The following ADARB1 variants were observed in gnomAD, a reference collection of about 807,000 sequenced individuals.
ADARB1 encodes the protein adenosine deaminase RNA specific B1.
In ADARB1, 10 loss-of-function variants were observed where a neutral mutation model predicts 52.4. The observed-to-expected ratio is 0.19, with a 90% confidence interval of 0.12 to 0.32. ADARB1 has a LOEUF of 0.32. Ranked by LOEUF, ADARB1 falls within the 10% of genes least tolerant of loss-of-function variation. ADARB1 has a pLI of 1.00. For missense variants in ADARB1, 643 were observed against 922.3 expected (o/e 0.70, Z 3.92); for synonymous variants, 349 against 371.1 (o/e 0.94, Z 0.68).
rs562337384 is a variant in ADARB1 at position 45,175,536 on chromosome 21, T to G, written c.29-194T>G. On this transcript the variant is annotated intron_variant, in intron 3 of 10. Transcript: ENST00000348831. ...ATGGTATTAGTCACTAAGCAAAGTG[T>G]CAGATTACTTGTTTAGTTGAGGCTG... is the stretch of plus-strand genomic sequence containing the variant. Among the ~76,000 whole-genome samples the G allele has an allele frequency of 4.6e-5, 7 of 152,356 alleles. No individual in the cohort carries two copies. The South Asian group carries it at 1.5e-3, about 32-fold the overall frequency.
chr21:45,131,507 C>T (rs420499), intron 2 of ADARB1, among the ~76,000 whole-genome samples: 145,226 of 152,340 alleles, frequency 0.95, 69,253 homozygotes, highest in East Asian at 1. Flanking sequence ...AGGACAGTTC[C>T]TTGTTTCCGG....
intron 2 of ADARB1, among the ~76,000 whole-genome samples, chr21:45,160,838 C>A (rs2090925636): frequency 6.6e-6 from 1 of 152,144 alleles, no homozygotes; most frequent in Admixed American, 6.5e-5. Flanking sequence ...CTGTTAGGGT[C>A]ATTGTGTTGT....
intron 1 of ADARB1, among the ~76,000 whole-genome samples, chr21:45,082,063 A>T (rs1350036484): frequency 6.6e-6 from 1 of 152,200 alleles, no homozygotes; most frequent in Non-Finnish European, 1.5e-5. Context: ...TCTTGGAGAC[A>T]AGGGAAGTGG....
chr21:45,130,934 G>A (rs1379853863), intron 2 of ADARB1, among the ~76,000 whole-genome samples: 2 of 152,118 alleles, frequency 1.3e-5, no homozygotes, highest in East Asian at 1.9e-4. Context: ...GGAGGGCTTC[G>A]GGAAACCTTG....
At chr21:45,133,809 CGATGGGTGTGTGT>C in intron 2 of ADARB1, 2 of 201,040 alleles carry the variant, frequency 9.9e-6, no homozygotes, top group Non-Finnish European at 9.6e-6. Flanking sequence ...TGTGTGCGCC[CGATGGGTGTGTGT>C]GCCCGACAGT....
intron 1 of ADARB1, among the ~76,000 whole-genome samples, chr21:45,119,089 C>T (rs1423006200): frequency 6.6e-6 from 1 of 152,102 alleles, no homozygotes; most frequent in African/African-American, 2.4e-5. Context: ...ATTAAAAGCC[C>T]TTTTAATTAA....
rs1316576078 is a variant in ADARB1, at chr21:45,226,189, T to C, written c.*3992T>C. The C allele has an allele frequency of 2.0e-5, 3 of 152,410 alleles. No individual in the cohort carries two copies. The highest frequency in any genetic ancestry group is 4.4e-5 in the Non-Finnish European group (3 of 68,054). The allele number at this position is 152,410 out of a possible 1,614,324, so 9.4% of individuals were successfully genotyped here. On this transcript the variant is annotated 3_prime_UTR_variant, in exon 11 of 11. Coordinates refer to ENST00000348831, the MANE Select transcript of ADARB1 (RefSeq NM_001112.4). ...GTACCAAGCCACAAGAACACTTCTT[T>C]TGGCCACAGCATAAGCTGATGGTAT...
chr21:45,198,249 TAA>T (rs1341316306), intron 8 of ADARB1, among the ~76,000 whole-genome samples: 1 of 152,034 alleles, frequency 6.6e-6, no homozygotes, highest in Non-Finnish European at 1.5e-5. Flanking sequence ...GCAGGTTGAT[TAA>T]AGTCAACAGA....
intron 9 of ADARB1, among the ~76,000 whole-genome samples, chr21:45,205,206 A>G (rs2092643473): frequency 6.6e-6 from 1 of 152,162 alleles, no homozygotes; most frequent in Non-Finnish European, 1.5e-5. Context: ...GGTTGCAGTA[A>G]GCCAAGATTG....
chr21:45,143,546 G>A (rs142815165), intron 2 of ADARB1, among the ~76,000 whole-genome samples: 26 of 152,276 alleles, frequency 1.7e-4, no homozygotes, highest in African/African-American at 5.3e-4. Flanking sequence ...ATTAAAGCCC[G>A]TGTCCAAGAT....
intron 2 of ADARB1, among the ~76,000 whole-genome samples, chr21:45,139,768 T>C (rs901688003): frequency 1.3e-5 from 2 of 152,218 alleles, no homozygotes; most frequent in African/African-American, 4.8e-5. Flanking sequence ...AGCTTATTCA[T>C]TCTGTTTCTT....
At chr21:45,175,396 C>A (rs2091651076) in intron 3 of ADARB1, among the ~76,000 whole-genome samples, 5 of 151,684 alleles carry the variant, frequency 3.3e-5, no homozygotes, top group Admixed American at 3.3e-4. Flanking sequence ...ATTTATCATC[C>A]CACATTTTGA....
chr21:45,136,011 C>T (rs1037737639), intron 2 of ADARB1, among the ~76,000 whole-genome samples: 1 of 152,210 alleles, frequency 6.6e-6, no homozygotes, highest in African/African-American at 2.4e-5. Flanking sequence ...AGAGCAGGGA[C>T]ACAATGTGAG....
In ADARB1 at chr21:45,220,385, C is replaced by T. The variant is rs1047060709; in HGVS notation, c.1748-451C>T. ...GCAGGGGAGCACATGCAGGCATGAG[C>T]GCCAGAGGTGGTGTGATACAGGAGC... On this transcript the variant is annotated intron_variant, in intron 9 of 10. Transcript: ENST00000348831. This position sits in a 1 kb window ranked among gnomAD's most constrained non-coding sequence, Gnocchi z 6.3. Among the ~76,000 whole-genome samples the T allele has an allele frequency of 2.0e-5, 3 of 152,186 alleles. No individual in the cohort carries two copies. The highest frequency in any genetic ancestry group is 6.5e-5 in the Admixed American group (1 of 15,274).
intron 1 of ADARB1, among the ~76,000 whole-genome samples, chr21:45,112,091 T>A (rs2087567022): frequency 6.6e-6 from 1 of 152,226 alleles, no homozygotes; most frequent in African/African-American, 2.4e-5. Context: ...CTAGTGAGAT[T>A]GAGCTTTTGT....
At chr21:45,143,548 G>A (rs2089845999) in intron 2 of ADARB1, among the ~76,000 whole-genome samples, 1 of 152,132 alleles carries the variant, frequency 6.6e-6, no homozygotes, top group African/African-American at 2.4e-5. Flanking sequence ...TAAAGCCCGT[G>A]TCCAAGATGC....
At chr21:45,099,887 A>T (rs1259912184) in intron 1 of ADARB1, among the ~76,000 whole-genome samples, 1 of 152,072 alleles carries the variant, frequency 6.6e-6, no homozygotes, top group Non-Finnish European at 1.5e-5. Flanking sequence ...TGTGTGTGCA[A>T]CTTGGTGGTG....
chr21:45,094,155 A>G (rs76675100), intron 1 of ADARB1, among the ~76,000 whole-genome samples: 2,829 of 152,344 alleles, frequency 0.019, 44 homozygotes, highest in East Asian at 0.047. Flanking sequence ...GAGAAATAGA[A>G]TATATCAAAT....
Position 45,142,266 on chromosome 21 carries a change from C to G in ADARB1, c.-48+13693C>G, listed in dbSNP as rs769768898. Among the ~76,000 whole-genome samples the G allele has an allele frequency of 6.6e-6, 1 of 152,248 alleles. No individual in the cohort carries two copies. The highest frequency in any genetic ancestry group is 1.5e-5 in the Non-Finnish European group (1 of 68,052). On this transcript the variant is annotated intron_variant, in intron 2 of 10. Transcript: ENST00000348831. The surrounding 1 kb of genome is among the most constrained non-coding windows in gnomAD (Gnocchi z 4.0). ...TTTTTCAAATCGAACACCCGCTATA[C>G]TCATTTGAGAAGTGTAGACTTTGAT...
Sources: gnomAD v4.1 joint callset for allele counts (sites outside exome capture counted in the v4.1 genomes callset) on GRCh38, gnomAD v4.1.1 for gene constraint, Gnocchi (gnomAD v3.1) non-coding constraint, MANE v1.5 for transcripts, NCBI Gene and HGNC (gene_info 2026-07-23, HGNC 2026-07-21) for gene names.